The following OR7D2 variants were observed in gnomAD, a reference collection of about 807,000 sequenced individuals.
OR7D2 encodes olfactory receptor 7D2.
For synonymous variants in OR7D2, 158 were observed against 158.7 expected, an observed-to-expected ratio of 1.00 and a Z score of 0.03; for missense variants, 370 against 384.1, an observed-to-expected ratio of 0.96 and a Z score of 0.31.
chr19:9,182,876 T>A (rs191919376), intron 2 of OR7D2: 6 of 325,724 alleles, frequency 1.8e-5, no homozygotes. Flanking sequence ...ATGGACCTCA[T>A]CGGCTTCGTT....
At chr19:9,183,427 C>T (rs1222910100) in intron 2 of OR7D2, among the ~76,000 whole-genome samples, 1 of 152,126 alleles carries the variant, frequency 6.6e-6, no homozygotes, top group African/African-American at 2.4e-5. Flanking sequence ...AGGCACATGC[C>T]ACCATGCCCA....
intron 2 of OR7D2, among the ~76,000 whole-genome samples, chr19:9,181,806 G>A (rs1465151851): frequency 6.6e-6 from 1 of 152,058 alleles, no homozygotes; most frequent in African/African-American, 2.4e-5. Context: ...GAGATATTGT[G>A]CCCCTCAAGC....
intron 2 of OR7D2, among the ~76,000 whole-genome samples, chr19:9,185,086 G>T (rs1324443540): frequency 6.6e-6 from 1 of 152,072 alleles, no homozygotes; most frequent in Non-Finnish European, 1.5e-5. Context: ...AGATATATAG[G>T]ATAAACGAGT....
intron 1 of OR7D2, among the ~76,000 whole-genome samples, chr19:9,179,577 T>C (rs2050976496): frequency 1.3e-5 from 2 of 152,058 alleles, no homozygotes; most frequent in African/African-American, 4.8e-5. Context: ...CAACTGTTTC[T>C]GTCACCTCCA....
chr19:9,184,129 T>C (rs1599210911), intron 2 of OR7D2, among the ~76,000 whole-genome samples: 1 of 150,710 alleles, frequency 6.6e-6, no homozygotes, highest in African/African-American at 2.4e-5. Context: ...TGTGGTGGCT[T>C]ACGCCTGTAA....
At chr19:9,182,940 A>T (rs1204191088) in intron 2 of OR7D2, 1 of 453,086 alleles carries the variant, frequency 2.2e-6, no homozygotes, top group East Asian at 5.2e-5. Context: ...CCCGATGTTA[A>T]TGCACGTTCT....
chr19:9,183,998 A>G (rs2051011051), intron 2 of OR7D2, among the ~76,000 whole-genome samples: 1 of 135,630 alleles, frequency 7.4e-6, no homozygotes, highest in Admixed American at 7.4e-5. Flanking sequence ...AAAAAAGACA[A>G]GAGTTGGCAA....
chr19:9,179,535 C>T (rs1271924561), intron 1 of OR7D2, among the ~76,000 whole-genome samples: 5 of 139,342 alleles, frequency 3.6e-5, no homozygotes, highest in Admixed American at 2.1e-4. Flanking sequence ...GTGAGTGAGA[C>T]GCTGTCTCAA....
At chr19:9,182,858 T>G (rs1223946142) in intron 2 of OR7D2, 2 of 277,336 alleles carry the variant, frequency 7.2e-6, no homozygotes, top group African/African-American at 4.5e-5. Context: ...TGAAGGGATC[T>G]CTCTAAAATG....
chr19:9,186,005 C>T lies in OR7D2; in HGVS notation c.224C>T (p.Thr75Ile). The change falls in exon 3 of 3, where the codon ACT becomes ATT. Residue 75 changes from threonine to isoleucine, a missense_variant. Thr to Ile is a moderately conservative substitution (Grantham distance 89, BLOSUM62 -1). Coordinates refer to ENST00000641288, the MANE Select transcript of OR7D2 (RefSeq NM_175883.4). Reference sequence around the variant, plus strand: ...TCCTGGGTTGACATCTGTTTCAGCACTTGCATCGTCCCCAAGATGCTGGTG... The same window carrying T: ...TCCTGGGTTGACATCTGTTTCAGCATTTGCATCGTCCCCAAGATGCTGGTG... Reference protein sequence around the residue: ...NLSWVDICFSTCIVPKMLVNI... With the variant: ...NLSWVDICFSICIVPKMLVNI... 1.2e-6 allele frequency: 2 copies of T among 1,614,136 alleles called. No individual in the cohort carries two copies. Among genetic ancestry groups the T allele is most frequent in the East Asian group, 2.2e-5 (1 of 44,886 alleles).
chr19:9,184,232 T>TA (rs1303719847), intron 2 of OR7D2, among the ~76,000 whole-genome samples: 13 of 150,818 alleles, frequency 8.6e-5, no homozygotes, highest in South Asian at 2.1e-4. Context: ...CTGTCTCTAC[T>TA]AAAAAAAAGA....
rs757777002 is a variant in OR7D2 at position 9,186,620 on chromosome 19, T to C, written c.839T>C (p.Val280Ala). The C allele has an allele frequency of 1.2e-6, 2 of 1,614,062 alleles. No individual in the cohort carries two copies. The highest frequency in any genetic ancestry group is 1.7e-5 in the Admixed American group (1 of 60,020). The change falls in exon 3 of 3, where the codon GTG becomes GCG. Residue 280 changes from valine (V) to alanine (A), a missense_variant. Physicochemically the swap from Val to Ala is moderately conservative, Grantham distance 64. Transcript: ENST00000641288. Reference protein sequence around the residue: ...KISVASVMYTVVTPMLNPFIY... With the variant: ...KISVASVMYTAVTPMLNPFIY... ...TCCGTGGCCTCGGTGATGTACACTGTGGTCACCCCCATGTTGAACCCCTTC... is the reference window on the plus strand; with the variant it reads ...TCCGTGGCCTCGGTGATGTACACTGCGGTCACCCCCATGTTGAACCCCTTC...
In OR7D2 at chr19:9,186,236, G is replaced by C; in HGVS notation, c.455G>C (p.Gly152Ala). The C allele has an allele frequency of 6.2e-7, 1 of 1,614,020 alleles. No individual in the cohort carries two copies. The highest frequency in any genetic ancestry group is 8.5e-7 in the Non-Finnish European group (1 of 1,180,008). ...CTGGTTTTTGTCACCTGGCTCATTG[G>C]TGTCATGACATCCCTCCTCCATATT... ...GLLVFVTWLI[G>A]VMTSLLHISL... Residue 152 changes from glycine (G) to alanine (A), a missense_variant, in exon 3 of 3, where the codon GGT becomes GCT. Physicochemically the swap from Gly to Ala is moderately conservative, Grantham distance 60. Coordinates refer to ENST00000641288, the MANE Select transcript of OR7D2 (RefSeq NM_175883.4).
rs1030571188 is a variant in OR7D2 at position 9,185,819 on chromosome 19, T to A, written c.38T>A (p.Ile13Asn). Reference protein sequence around the residue: ...AGNQTGFLEFILLGLSEDPEL... With the variant: ...AGNQTGFLEFNLLGLSEDPEL... ...AACCAAACAGGATTTTTAGAGTTTA[T>A]CCTTCTCGGACTCTCTGAGGATCCA... The change falls in exon 3 of 3, where the codon ATC becomes AAC. Residue 13 changes from isoleucine to asparagine, a missense_variant. Transcript: ENST00000641288. 6.3e-7 allele frequency: 1 copy of A among 1,597,768 alleles called. No homozygotes were observed. Among genetic ancestry groups the A allele is most frequent in the Non-Finnish European group, 8.5e-7 (1 of 1,172,544 alleles).
rs1389955828 is a variant in OR7D2 at position 9,186,566 on chromosome 19, C to T, written c.785C>T (p.Ser262Phe). 1.2e-6 allele frequency: 2 copies of T among 1,614,092 alleles called. No homozygotes were observed. The highest frequency in any genetic ancestry group is 1.7e-5 in the Admixed American group (1 of 59,998). The change falls in exon 3 of 3, where the codon TCT becomes TTT. Residue 262 changes from serine to phenylalanine, a missense_variant. Ser to Phe is a radical substitution (Grantham distance 155). Transcript: ENST00000641288. ...YGTGIGVHFT[S>F]AVTHSSQKIS... The stretch of plus-strand genomic sequence containing the variant: ...ACAGGCATTGGGGTCCACTTCACTT[C>T]TGCGGTGACTCACTCTTCCCAGAAA...
chr19:9,181,871 C>T (rs1464604129), intron 2 of OR7D2, among the ~76,000 whole-genome samples: 2 of 152,126 alleles, frequency 1.3e-5, no homozygotes, highest in Admixed American at 6.6e-5. Context: ...GGCAGGAATC[C>T]CACAGAAATG....
Position 9,187,077 on chromosome 19 carries a change from G to A in OR7D2, c.*357G>A, listed in dbSNP as rs552857025. On this transcript the variant is annotated 3_prime_UTR_variant, in exon 3 of 3. Coordinates refer to ENST00000641288, the MANE Select transcript of OR7D2 (RefSeq NM_175883.4). ...GAGATTACAGGTGTGTGCCACCCAT[G>A]CCTTTTAGTAGAGACGGGGTTTCAC... is the stretch of plus-strand genomic sequence containing the variant. 5.8e-4 allele frequency: 96 copies of A among 165,896 alleles called. 2 individuals are homozygous for A. In the South Asian group the frequency reaches 0.015, roughly 26 times the overall value. The allele number at this position is 165,896 out of a possible 1,614,324, so 10.3% of individuals were successfully genotyped here.
At chr19:9,182,404 G>T in intron 2 of OR7D2, 2 of 314,680 alleles carry the variant, frequency 6.4e-6, no homozygotes, top group South Asian at 6.7e-5. Context: ...AGCAGTTCTA[G>T]TGCAATTTCA....
Position 9,187,225 on chromosome 19 carries a change from C to T in OR7D2, c.*505C>T, listed in dbSNP as rs2051043792. On this transcript the variant is annotated 3_prime_UTR_variant, in exon 3 of 3. Coordinates refer to ENST00000641288, the MANE Select transcript of OR7D2 (RefSeq NM_175883.4). ...CCAAGGCAGTTTTTAAACTCTCACT[C>T]CCCTCTCACCTTTTGCAGTCTCCAG... 5.9e-6 allele frequency: 1 copy of T among 168,304 alleles called. No homozygotes were observed. The highest frequency in any genetic ancestry group is 1.4e-5 in the Non-Finnish European group (1 of 69,108). The allele number at this position is 168,304 out of a possible 1,614,324, so 10.4% of individuals were successfully genotyped here.
Sources: allele counts gnomAD v4.1 joint callset (sites outside exome capture counted in the v4.1 genomes callset), GRCh38; gene constraint gnomAD v4.1.1; transcripts MANE v1.5; gene names NCBI Gene and HGNC (gene_info 2026-07-23, HGNC 2026-07-21).